PTP4A2: variants seen among roughly 807,000 people sequenced by gnomAD.
PTP4A2 encodes the protein protein tyrosine phosphatase type IVA 2.
PTP4A2 carries 2 observed loss-of-function variants against 22.9 expected under a neutral mutation model. The observed-to-expected ratio is 0.09, with a 90% CI of 0.04 to 0.27. The LOEUF (loss-of-function observed/expected upper bound fraction) is 0.27, where lower values mean the gene tolerates loss of function less well. Among genes scored for constraint, PTP4A2 ranks in the 10% least tolerant of loss-of-function variants. The pLI is 1.00. For missense variants in PTP4A2, 103 were observed against 205.1 expected, an observed-to-expected ratio of 0.50 and a Z score of 3.04; for synonymous variants, 68 against 69.1, an observed-to-expected ratio of 0.98 and a Z score of 0.08.
intron 2 of PTP4A2, among the ~76,000 whole-genome samples, chr1:31,916,695 G>A (rs2124177057): frequency 6.6e-6 from 1 of 152,214 alleles, no homozygotes; most frequent in South Asian, 2.1e-4. Context: ...AAAAATAAGG[G>A]AATGATTAAA....
At chr1:31,923,303 C>T (rs72890912) in intron 1 of PTP4A2, among the ~76,000 whole-genome samples, 1 of 149,736 alleles carries the variant, frequency 6.7e-6, no homozygotes, top group African/African-American at 2.5e-5. Context: ...AACTTCTGGG[C>T]ACAAGTGATC....
At chr1:31,937,463 C>A (rs1337001570) in intron 1 of PTP4A2, among the ~76,000 whole-genome samples, 2 of 151,866 alleles carry the variant, frequency 1.3e-5, no homozygotes, top group African/African-American at 4.8e-5. Context: ...CCTGCTCACA[C>A]ACTGGACACA....
Position 31,908,884 on chromosome 1 carries a change from T to C in PTP4A2, c.472A>G (p.Arg158Gly). 1 of 1,613,790 alleles carries C rather than the reference T, an allele frequency of 6.2e-7. No homozygotes were observed. ...KYRPKMRLRF[R>G]DTNGHCCVQ Reference sequence around the variant, plus strand: ...ACACAGCAATGCCCATTGGTATCTCTGAAGCGTAATCGCATCTTAGGTCGG... The same window carrying C: ...ACACAGCAATGCCCATTGGTATCTCCGAAGCGTAATCGCATCTTAGGTCGG... Residue 158 changes from arginine to glycine, a missense_variant, in exon 6 of 6, where the codon AGA (arginine) becomes GGA (glycine). Physicochemically the swap from Arg to Gly is moderately radical, Grantham distance 125. Coordinates refer to ENST00000647444, the MANE Select transcript of PTP4A2 (RefSeq NM_080391.4).
chr1:31,928,848 G>A (rs1569640205), intron 1 of PTP4A2, among the ~76,000 whole-genome samples: 1 of 152,198 alleles, frequency 6.6e-6, no homozygotes, highest in South Asian at 2.1e-4. Flanking sequence ...CCTTGATGGT[G>A]GGAAAATGTC....
rs1651321061 is a variant in PTP4A2 at position 31,908,167 on chromosome 1, TATATATATATATATATATATATATATATA to T, written c.*656_*684del. On this transcript the variant is annotated 3_prime_UTR_variant, in exon 6 of 6. Coordinates refer to ENST00000647444, the MANE Select transcript of PTP4A2 (RefSeq NM_080391.4). ...ATATATATATATATATATATATATATATATATATATATATATATATATATATATATATATATATATCACTGCTGTTTTTT... is the reference window on the plus strand; with the variant it reads ...ATATATATATATATATATATATATATTATATATATATCACTGCTGTTTTTT... 1 of 21,444 alleles carries T rather than the reference TATATATATATATATATATATATATATATA, an allele frequency of 4.7e-5. No homozygotes were observed. The highest frequency in any genetic ancestry group is 1.1e-3 in the South Asian group (1 of 888). 1.3% of individuals were successfully genotyped at this position (21,444 alleles called of 1,614,324 possible). A position where few individuals can be genotyped will look rare whatever the true frequency, so the allele number is the denominator to read the frequency against.
Position 31,908,053 on chromosome 1 carries a change from G to C in PTP4A2, c.*799C>G, listed in dbSNP as rs1420935330. Reference sequence around the variant, plus strand: ...GGCTACTTTGCCTAGTATTAGATAGGGTTTTGAAGAAACTAACATGAACAC... The same window carrying C: ...GGCTACTTTGCCTAGTATTAGATAGCGTTTTGAAGAAACTAACATGAACAC... On this transcript the variant is annotated 3_prime_UTR_variant, in exon 6 of 6. Transcript: ENST00000647444. The C allele has an allele frequency of 2.9e-5, 4 of 136,006 alleles. No homozygotes were observed. The highest frequency in any genetic ancestry group is 1.1e-4 in the African/African-American group (4 of 36,234). The allele number at this position is 136,006 out of a possible 1,614,324, so 8.4% of individuals were successfully genotyped here.
At chr1:31,935,919 G>A (rs998897487) in intron 1 of PTP4A2, among the ~76,000 whole-genome samples, 5 of 151,542 alleles carry the variant, frequency 3.3e-5, no homozygotes, top group South Asian at 2.1e-4. Flanking sequence ...CTCAGCCTCC[G>A]GGATAGCTGG....
chr1:31,916,065 G>T, intron 2 of PTP4A2, 78 bp from the exon 3 acceptor site: 1 of 982,048 alleles, frequency 1.0e-6, no homozygotes, highest in Non-Finnish European at 1.5e-6. Flanking sequence ...ACTATTATAG[G>T]CCGGGCGGGG....
At position 31,919,580 on chromosome 1, in the gene PTP4A2, T is replaced by C. The variant is rs1229244553; in HGVS notation, c.-515A>G. ...CTCCAAGCTCACTTGTCAGCGAAAATGCTGTGCTGAGCCTGGCAGAAGTCT... is the reference window on the plus strand; with the variant it reads ...CTCCAAGCTCACTTGTCAGCGAAAACGCTGTGCTGAGCCTGGCAGAAGTCT... On this transcript the variant is annotated 5_prime_UTR_variant, in exon 2 of 6. Coordinates refer to ENST00000647444, the MANE Select transcript of PTP4A2 (RefSeq NM_080391.4). 1 of 152,660 alleles carries C rather than the reference T, an allele frequency of 6.6e-6. No individual in the cohort carries two copies. The highest frequency in any genetic ancestry group is 1.9e-4 in the East Asian group (1 of 5,190). The allele number at this position is 152,660 out of a possible 1,614,324, so 9.5% of individuals were successfully genotyped here. A position where few individuals can be genotyped will look rare whatever the true frequency, so the allele number is the denominator to read the frequency against.
Position 31,908,757 on chromosome 1 carries a change from T to C in PTP4A2, c.*95A>G. 2.3e-6 allele frequency: 2 copies of C among 857,432 alleles called. No homozygotes were observed. Among genetic ancestry groups the C allele is most frequent in the Non-Finnish European group, 3.9e-6 (2 of 516,268 alleles). 53.1% of individuals were successfully genotyped at this position (857,432 alleles called of 1,614,324 possible). A position where few individuals can be genotyped will look rare whatever the true frequency, so the allele number is the denominator to read the frequency against. ...GAGGAGTACTGAATCCATCACTACTTTGATGACACAGGTAATATTCCAGAT... is the reference window on the plus strand; with the variant it reads ...GAGGAGTACTGAATCCATCACTACTCTGATGACACAGGTAATATTCCAGAT... On this transcript the variant is annotated 3_prime_UTR_variant, in exon 6 of 6. Transcript: ENST00000647444.
At chr1:31,934,653 A>G (rs1426330707) in intron 1 of PTP4A2, among the ~76,000 whole-genome samples, 3 of 152,242 alleles carry the variant, frequency 2.0e-5, no homozygotes, top group Admixed American at 2.0e-4. Flanking sequence ...AATGAATAAA[A>G]AGTTAATTCT....
chr1:31,920,888 TG>T (rs1652118048), intron 1 of PTP4A2, among the ~76,000 whole-genome samples: 1 of 152,166 alleles, frequency 6.6e-6, no homozygotes, highest in Non-Finnish European at 1.5e-5. Context: ...TCTGCTTTGA[TG>T]GTTAGGTCCT....
rs1327890176 is a variant in PTP4A2 at position 31,927,024 on chromosome 1, G to C, written c.-593-7366C>G. 1.3e-5 allele frequency among the ~76,000 whole-genome samples: 2 copies of C among 152,148 alleles called. 1 individual carries two copies. Among genetic ancestry groups the C allele is most frequent in the South Asian group, 4.1e-4 (2 of 4,826 alleles). On this transcript the variant is annotated intron_variant, in intron 1 of 5. Transcript: ENST00000647444. ...AGGAACAAGGGAACCAATGCTACTGGAACAGAGAGGACAATGGAATGAATA... is the reference window on the plus strand; with the variant it reads ...AGGAACAAGGGAACCAATGCTACTGCAACAGAGAGGACAATGGAATGAATA...
rs1570268790 is a variant in PTP4A2 at position 31,907,259 on chromosome 1, G to A, written c.*1593C>T. On this transcript the variant is annotated 3_prime_UTR_variant, in exon 6 of 6. Coordinates refer to ENST00000647444, the MANE Select transcript of PTP4A2 (RefSeq NM_080391.4). ...CTTTAAGCCCGTATTCAGAGCCCTA[G>A]AAGCAGGGCACTACTGAGTACGTAA... 6.6e-6 allele frequency: 1 copy of A among 152,320 alleles called. No homozygotes were observed. The allele number at this position is 152,320 out of a possible 1,614,324, so 9.4% of individuals were successfully genotyped here. A position where few individuals can be genotyped will look rare whatever the true frequency, so the allele number is the denominator to read the frequency against.
chr1:31,915,556 T>C (rs971131948), intron 3 of PTP4A2: 7 of 154,090 alleles, frequency 4.5e-5, no homozygotes, highest in African/African-American at 1.8e-4. Flanking sequence ...TTTTTTTTTT[T>C]TGAGACGGGG....
intron 1 of PTP4A2, among the ~76,000 whole-genome samples, chr1:31,931,507 CT>C (rs1199368315): frequency 1.3e-5 from 2 of 152,302 alleles, no homozygotes; most frequent in Non-Finnish European, 2.9e-5. Context: ...TGGGCCTCCC[CT>C]GATCTACTGA....
chr1:31,913,902 A>G (rs1651679925), intron 3 of PTP4A2: 1 of 454,808 alleles, frequency 2.2e-6, no homozygotes, highest in Admixed American at 2.4e-5. Context: ...CAGCAAAATA[A>G]ACTTGTATGC....
Position 31,908,182 on chromosome 1 carries a change from A to T in PTP4A2, c.*670T>A, listed in dbSNP as rs1651329295. The T allele has an allele frequency of 8.6e-5, 1 of 11,678 alleles. No homozygotes were observed. The highest frequency in any genetic ancestry group is 4.2e-4 in the African/African-American group (1 of 2,408). The allele number at this position is 11,678 out of a possible 1,614,324, so 0.7% of individuals were successfully genotyped here. A position where few individuals can be genotyped will look rare whatever the true frequency, so the allele number is the denominator to read the frequency against. ...TATATATATATATATATATATATAT[A>T]TATATATATATATATATATATATAT... On this transcript the variant is annotated 3_prime_UTR_variant, in exon 6 of 6. Coordinates refer to ENST00000647444, the MANE Select transcript of PTP4A2 (RefSeq NM_080391.4).
chr1:31,936,017 G>A (rs562142927), intron 1 of PTP4A2, among the ~76,000 whole-genome samples: 1 of 151,930 alleles, frequency 6.6e-6, no homozygotes, highest in Admixed American at 6.6e-5. Context: ...TCGAACTCCT[G>A]GGCTCAAGCG....
Sources: gnomAD v4.1 joint callset for allele counts (sites outside exome capture counted in the v4.1 genomes callset) on GRCh38, gnomAD v4.1.1 for gene constraint, MANE v1.5 for transcripts, NCBI Gene and HGNC (gene_info 2026-07-23, HGNC 2026-07-21) for gene names.